The following MACF1 variants were observed in gnomAD, a reference collection of about 807,000 sequenced individuals.
MACF1 encodes microtubule actin crosslinking factor 1, also known as microtubule-actin cross-linking factor 1.
Under a neutral mutation model 854.8 loss-of-function variants are expected in MACF1, and 193 were observed. The observed-to-expected ratio is 0.23, with a 90% CI of 0.20 to 0.25. The LOEUF is 0.25. Ranked by LOEUF, MACF1 falls within the 10% of genes least tolerant of loss-of-function variation. The probability of loss-of-function intolerance (pLI) is 1.00; values close to 1 mark genes in which losing one functional copy is unlikely to be tolerated. For missense variants in MACF1, 7,722 were observed against 8,929.1 expected (o/e 0.86, Z 5.45); for synonymous variants, 3,185 against 3,226.7 (o/e 0.99, Z 0.44).
At position 39,437,838 on chromosome 1, in the gene MACF1, T is replaced by C; in HGVS notation, c.18050T>C (p.Met6017Thr). The C allele has an allele frequency of 6.2e-7, 1 of 1,614,188 alleles. No homozygotes were observed. Residue 6017 changes from methionine (M) to threonine (T), a missense_variant, in exon 71 of 101, where the codon ATG (methionine) becomes ACG (threonine). Physicochemically the swap from Met to Thr is moderately conservative, Grantham distance 81 (BLOSUM62 -1). Transcript: ENST00000564288. Reference sequence around the variant, plus strand: ...GAGAATCTTTCCTCTCGCCTGCGTATGCCACCACTGATCCCTGCTGAAGTA... The same window carrying C: ...GAGAATCTTTCCTCTCGCCTGCGTACGCCACCACTGATCCCTGCTGAAGTA... Reference protein sequence around the residue: ...TLENLSSRLRMPPLIPAEVDK... With the variant: ...TLENLSSRLRTPPLIPAEVDK...
chr1:39,264,615 C>G (rs1247546197), intron 6 of MACF1, among the ~76,000 whole-genome samples: 2 of 150,376 alleles, frequency 1.3e-5, no homozygotes, highest in Non-Finnish European at 3.0e-5. Flanking sequence ...GAAACTGAAA[C>G]ACAGAGACCG....
In MACF1 at chr1:39,285,375, G is replaced by C; in HGVS notation, c.1338G>C (p.Lys446Asn). The C allele has an allele frequency of 6.2e-7, 1 of 1,614,028 alleles. No individual in the cohort carries two copies. Among genetic ancestry groups the C allele is most frequent in the Non-Finnish European group, 8.5e-7 (1 of 1,180,032 alleles). ...LNCEEKLTLA[K>N]NTLQADAAHL... ...GTGAAGAAAAACTGACACTAGCTAA[G>C]AATACACTGCAGGCTGTAAGTCTCT... The change falls in exon 13 of 101, where the codon AAG (lysine) becomes AAC (asparagine). Residue 446 changes from lysine to asparagine, a missense_variant. Physicochemically the swap from Lys to Asn is moderately conservative, Grantham distance 94 (BLOSUM62 0). Around this residue, in one of 15 missense-constraint regions of MACF1, gnomAD observed 1,137 missense variants for 1,263.0 expected, o/e 0.90. Transcript: ENST00000564288.
chr1:39,326,810 G>C (rs2148461355), intron 35 of MACF1, among the ~76,000 whole-genome samples: 1 of 152,100 alleles, frequency 6.6e-6, no homozygotes, highest in South Asian at 2.1e-4. Context: ...ACATTCTTCT[G>C]CCTGTTTAAA....
chr1:39,180,658 C>CT (rs1173430295), intron 2 of MACF1, among the ~76,000 whole-genome samples: 1 of 152,100 alleles, frequency 6.6e-6, no homozygotes, highest in Non-Finnish European at 1.5e-5. Flanking sequence ...TCTTTTGATA[C>CT]TTTTTTACAT....
At chr1:39,161,710 CA>C (rs1643801402) in intron 2 of MACF1, among the ~76,000 whole-genome samples, 3 of 151,446 alleles carry the variant, frequency 2.0e-5, no homozygotes, top group African/African-American at 7.3e-5. Context: ...ACTAAAAATA[CA>C]AAAAAATTAG....
Position 39,336,043 on chromosome 1 carries a change from C to G in MACF1, c.9455C>G (p.Thr3152Ser). ...ACCAACTATCAAGATTCCTGGGTTA[C>G]TTCGAAAACTAAGGAAACCAAACAT... ...QETNYQDSWV[T>S]SKTKETKHQI... The change falls in exon 37 of 101, where the codon ACT becomes AGT. Residue 3152 changes from threonine (T) to serine (S), a missense_variant. Physicochemically the swap from Thr to Ser is moderately conservative, Grantham distance 58 (BLOSUM62 1). Coordinates refer to ENST00000564288, the MANE Select transcript of MACF1 (RefSeq NM_001394062.1). 1.2e-6 allele frequency: 2 copies of G among 1,614,070 alleles called. No individual in the cohort carries two copies. The highest frequency in any genetic ancestry group is 1.7e-6 in the Non-Finnish European group (2 of 1,180,014).
chr1:39,158,446 A>G (rs1643732981), intron 2 of MACF1, among the ~76,000 whole-genome samples: 1 of 152,178 alleles, frequency 6.6e-6, no homozygotes, highest in Non-Finnish European at 1.5e-5. Context: ...AGTATTGTTT[A>G]TTTTGTAAAA....
chr1:39,328,465 G>A (rs1173294544), intron 36 of MACF1: 2 of 152,220 alleles, frequency 1.3e-5, no homozygotes, highest in African/African-American at 2.4e-5. Context: ...CTGTATGTGT[G>A]TTTCATGTGA....
rs1257846493 is a variant in MACF1 at position 39,387,956 on chromosome 1, T to C, written c.15114T>C (p.Ala5038=). 1.9e-6 allele frequency: 3 copies of C among 1,614,032 alleles called. No homozygotes were observed. The highest frequency in any genetic ancestry group is 2.5e-6 in the Non-Finnish European group (3 of 1,180,022). The stretch of plus-strand genomic sequence containing the variant: ...AACACCAACTTGAGATCTTTGATGC[T>C]CTGGGTTCTCAAGCCTGTAGCAACA... ...GAKHQLEIFD[A]LGSQACSNKN... The change falls in exon 58 of 101, where the codon GCT becomes GCC. Residue 5038 remains alanine, a synonymous_variant. Transcript: ENST00000564288.
rs1645986073 is a variant in MACF1 at position 39,299,144 on chromosome 1, A to C, written c.2482-1066A>C. 22 of 446,138 alleles carry C rather than the reference A, an allele frequency of 4.9e-5. 1 individual carries two copies. Among genetic ancestry groups the C allele is most frequent in the South Asian group, 3.5e-4 (22 of 62,266 alleles). The allele number at this position is 446,138 out of a possible 1,614,324, so 27.6% of individuals were successfully genotyped here. ...ATTGCAAGGAAACTGAAATGGGTAGACCAGCTCTCAAGTATGGAAATGTGG... is the reference window on the plus strand; with the variant it reads ...ATTGCAAGGAAACTGAAATGGGTAGCCCAGCTCTCAAGTATGGAAATGTGG... On this transcript the variant is annotated intron_variant, in intron 21 of 100. Coordinates refer to ENST00000564288, the MANE Select transcript of MACF1 (RefSeq NM_001394062.1).
chr1:39,477,198 C>T (rs1036984538), intron 97 of MACF1, among the ~76,000 whole-genome samples: 5 of 149,026 alleles, frequency 3.4e-5, no homozygotes, highest in Middle Eastern at 3.3e-3. Context: ...AGTGATGTCC[C>T]TTGGGTTGTG....
intron 27 of MACF1, 62 bp from the exon 28 acceptor site, chr1:39,316,329 G>T: frequency 7.0e-7 from 1 of 1,435,200 alleles, no homozygotes; most frequent in Non-Finnish European, 9.5e-7. Context: ...AGCACTCCAG[G>T]TATATAACCC....
chr1:39,165,950 C>T (rs1239838626), intron 2 of MACF1, among the ~76,000 whole-genome samples: 1 of 152,154 alleles, frequency 6.6e-6, no homozygotes, highest in African/African-American at 2.4e-5. Flanking sequence ...TGGAAGTCTC[C>T]ATCTCCTTCC....
intron 1 of MACF1, among the ~76,000 whole-genome samples, chr1:39,227,156 C>G (rs1644726199): frequency 6.6e-6 from 1 of 152,172 alleles, no homozygotes; most frequent in Non-Finnish European, 1.5e-5. Context: ...TCAAGTGATC[C>G]TTCTGCCTCG....
intron 79 of MACF1, among the ~76,000 whole-genome samples, chr1:39,444,354 C>T (rs1046892317): frequency 2.6e-5 from 4 of 151,880 alleles, no homozygotes; most frequent in Non-Finnish European, 4.4e-5. Context: ...AAAAGTTTTT[C>T]TTCTATGGGT....
At chr1:39,189,200 C>A (rs1163859717) in intron 2 of MACF1, among the ~76,000 whole-genome samples, 1 of 152,182 alleles carries the variant, frequency 6.6e-6, no homozygotes, top group South Asian at 2.1e-4. Context: ...AATTTCTGAG[C>A]CTTTCTGGGA....
chr1:39,393,887 AAAGG>A (rs1293403373), intron 58 of MACF1, among the ~76,000 whole-genome samples: 3 of 116,332 alleles, frequency 2.6e-5, no homozygotes, highest in South Asian at 2.3e-4. Context: ...GAAAGAAAAG[AAAGG>A]AAGGAAGGAA....
chr1:39,374,155 C>A (rs1480462172), intron 52 of MACF1, among the ~76,000 whole-genome samples: 1 of 146,060 alleles, frequency 6.8e-6, no homozygotes, highest in African/African-American at 2.5e-5. Flanking sequence ...TGTGGGAGAA[C>A]TGCTTGAACC....
In MACF1 at chr1:39,459,885, C is replaced by G. The variant is rs945756022; in HGVS notation, c.21360+636C>G. On this transcript the variant is annotated intron_variant, in intron 91 of 100. Coordinates refer to ENST00000564288, the MANE Select transcript of MACF1 (RefSeq NM_001394062.1). ...TTCCTTAGGTCAGTTGACTTTTAAG[C>G]TTATTGGGTTCTTGGTGCTTTTTTC... 5 of 1,280,150 alleles carry G rather than the reference C, an allele frequency of 3.9e-6. No individual in the cohort carries two copies. The African/African-American group carries it at 7.7e-5, about 20-fold the overall frequency. 79.3% of individuals were successfully genotyped at this position (1,280,150 alleles called of 1,614,324 possible). A position where few individuals can be genotyped will look rare whatever the true frequency, so the allele number is the denominator to read the frequency against.
Sources: allele counts gnomAD v4.1 joint callset (sites outside exome capture counted in the v4.1 genomes callset), GRCh38; gene constraint gnomAD v4.1.1; regional missense constraint gnomAD v4.1.1; transcripts MANE v1.5; gene names NCBI Gene and HGNC (gene_info 2026-07-23, HGNC 2026-07-21).